The following SLC38A6 variants were observed in gnomAD, a reference collection of about 807,000 sequenced individuals.
SLC38A6 encodes solute carrier family 38 member 6.
Under a neutral mutation model 65.0 loss-of-function variants are expected in SLC38A6, and 73 were observed. The observed-to-expected ratio is 1.12, with a 90% CI of 0.93 to 1.37. The LOEUF (loss-of-function observed/expected upper bound fraction) is 1.37. Among genes scored for constraint, SLC38A6 ranks in the 40% most tolerant of loss-of-function variants. The pLI is 0.00. For missense variants in SLC38A6, 561 were observed against 531.1 expected, an observed-to-expected ratio of 1.06 and a Z score of -0.55; for synonymous variants, 183 against 178.8, an observed-to-expected ratio of 1.02 and a Z score of -0.19.
At chr14:61,012,236 T>A (rs2039633578) in intron 3 of SLC38A6, among the ~76,000 whole-genome samples, 1 of 152,226 alleles carries the variant, frequency 6.6e-6, no homozygotes, top group Non-Finnish European at 1.5e-5. Flanking sequence ...GATATCCCCT[T>A]TATCATTTTT....
At chr14:61,066,536 A>G (rs1277981388) in intron 15 of SLC38A6, among the ~76,000 whole-genome samples, 6 of 152,078 alleles carry the variant, frequency 3.9e-5, no homozygotes, top group Non-Finnish European at 5.9e-5. Flanking sequence ...ACAAAAACAG[A>G]TGGATGAAAA....
chr14:60,984,788 A>G lies in SLC38A6; in HGVS notation c.295A>G (p.Met99Val). Residue 99 changes from methionine to valine, a missense_variant, in exon 3 of 16, where the codon ATG (methionine) becomes GTG (valine). Met to Val is a conservative substitution (Grantham distance 21). Transcript: ENST00000267488. Reference protein sequence around the residue: ...ASYSVHLLLSMCIQTAVTSYE... With the variant: ...ASYSVHLLLSVCIQTAVTSYE... ...TTACTCAGTCCATCTTCTGCTTAGT[A>G]TGTGTATTCAGACAGGTGAGTAAAA... 2 of 1,613,790 alleles carry G rather than the reference A, an allele frequency of 1.2e-6. No individual in the cohort carries two copies. The highest frequency in any genetic ancestry group is 1.7e-6 in the Non-Finnish European group (2 of 1,179,806).
intron 15 of SLC38A6, chr14:61,078,746 TATTTA>T (rs919775177): frequency 2.9e-4 from 48 of 166,148 alleles, no homozygotes; most frequent in African/African-American, 1.2e-3. Flanking sequence ...TTTTTTTAAT[TATTTA>T]ATTTATTTAT....
At chr14:61,077,495 AAC>A (rs1260403977) in intron 15 of SLC38A6, among the ~76,000 whole-genome samples, 1 of 152,220 alleles carries the variant, frequency 6.6e-6, no homozygotes, top group African/African-American at 2.4e-5. Context: ...TTCAGAAAAA[AAC>A]ACAGGACATT....
In SLC38A6 at chr14:61,043,193, A is replaced by G. The variant is rs2041914617; in HGVS notation, c.671A>G (p.Tyr224Cys). Residue 224 changes from tyrosine (Y) to cysteine (C), a missense_variant, in exon 9 of 16, where the codon TAT becomes TGT. Physicochemically the swap from Tyr to Cys is radical, Grantham distance 194 (BLOSUM62 -2). Coordinates refer to ENST00000267488, the MANE Select transcript of SLC38A6 (RefSeq NM_153811.3). Reference protein sequence around the residue: ...WSIPCPLTLNYVEKGFQISNV... With the variant: ...WSIPCPLTLNCVEKGFQISNV... ...ATCCCTTGTCCTCTGACATTAAATT[A>G]TGTAGAGAAAGGTTTCCAGGTAATA... The G allele has an allele frequency of 6.5e-7, 1 of 1,538,594 alleles. No homozygotes were observed. Among genetic ancestry groups the G allele is most frequent in the Non-Finnish European group, 8.9e-7 (1 of 1,126,902 alleles).
chr14:61,029,697 A>G (rs2040831934), intron 5 of SLC38A6, among the ~76,000 whole-genome samples: 1 of 152,196 alleles, frequency 6.6e-6, no homozygotes, highest in Non-Finnish European at 1.5e-5. Context: ...GTAGTTATTT[A>G]TCGGACTCTG....
intron 8 of SLC38A6, among the ~76,000 whole-genome samples, chr14:61,041,716 T>G (rs191620987): frequency 5.9e-4 from 90 of 152,276 alleles, no homozygotes; most frequent in East Asian, 5.6e-3. Flanking sequence ...CTGGGCAACA[T>G]GGCAAAATCT....
At chr14:61,015,582 C>A (rs1275816642) in intron 3 of SLC38A6, among the ~76,000 whole-genome samples, 3 of 152,144 alleles carry the variant, frequency 2.0e-5, no homozygotes. Context: ...AAAACCGTCA[C>A]TACTGAGAAA....
intron 15 of SLC38A6, among the ~76,000 whole-genome samples, chr14:61,063,819 G>A (rs1223864327): frequency 6.6e-6 from 1 of 152,188 alleles, no homozygotes; most frequent in African/African-American, 2.4e-5. Flanking sequence ...ACCTCTATAA[G>A]CCTCCATGTT....
intron 1 of SLC38A6, chr14:60,981,723 C>A (rs1340274583): frequency 1.5e-6 from 2 of 1,309,558 alleles, no homozygotes; most frequent in Admixed American, 2.3e-5. Flanking sequence ...TTTTCTCCAC[C>A]AGTCTCGTGA....
intron 3 of SLC38A6, among the ~76,000 whole-genome samples, chr14:60,993,086 G>C (rs894796399): frequency 2.0e-5 from 3 of 152,148 alleles, no homozygotes; most frequent in African/African-American, 7.2e-5. Context: ...GACTTCAGGT[G>C]ATCTGCCCAC....
downstream of SLC38A6, chr14:61,052,976 C>T (rs1340108564): frequency 6.6e-6 from 1 of 152,392 alleles, no homozygotes; most frequent in African/African-American, 2.4e-5. Context: ...CAGATTATTT[C>T]ATCTCCCAGG....
intron 3 of SLC38A6, among the ~76,000 whole-genome samples, chr14:61,009,384 A>G (rs1350515510): frequency 6.6e-6 from 1 of 151,890 alleles, no homozygotes; most frequent in Admixed American, 6.6e-5. Flanking sequence ...AAAAGGGGAA[A>G]TAACTTTTAT....
At chr14:61,076,683 A>G (rs1274651400) in intron 15 of SLC38A6, among the ~76,000 whole-genome samples, 7 of 152,226 alleles carry the variant, frequency 4.6e-5, no homozygotes, top group Non-Finnish European at 1.0e-4. Flanking sequence ...TGCTTTATTC[A>G]TTTAAAATGT....
chr14:61,057,978 A>T (rs1030926862), intron 15 of SLC38A6, among the ~76,000 whole-genome samples: 2 of 135,914 alleles, frequency 1.5e-5, no homozygotes, highest in Non-Finnish European at 3.2e-5. Context: ...CCCCTTTATC[A>T]TTTTTTATTG....
intron 3 of SLC38A6, among the ~76,000 whole-genome samples, chr14:60,992,351 C>T (rs1456853367): frequency 6.6e-6 from 1 of 152,116 alleles, no homozygotes; most frequent in Non-Finnish European, 1.5e-5. Flanking sequence ...TGAATGGTAC[C>T]ACCAGTTTAT....
chr14:61,076,150 C>T (rs1017800538), intron 15 of SLC38A6, among the ~76,000 whole-genome samples: 3 of 152,152 alleles, frequency 2.0e-5, no homozygotes, highest in Non-Finnish European at 4.4e-5. Context: ...CCACCACACC[C>T]GGCCTTCAAC....
At chr14:61,048,407 T>G (rs2042291621) in intron 12 of SLC38A6, 1 of 261,412 alleles carries the variant, frequency 3.8e-6, no homozygotes, top group African/African-American at 2.2e-5. Flanking sequence ...CCTCCTGACT[T>G]CAATGGCATA....
intron 3 of SLC38A6, among the ~76,000 whole-genome samples, chr14:61,013,497 T>G (rs1476368898): frequency 6.6e-6 from 1 of 152,230 alleles, no homozygotes; most frequent in Non-Finnish European, 1.5e-5. Flanking sequence ...CTTCACAATT[T>G]GGCATGTTTT....
Sources: allele counts gnomAD v4.1 joint callset (sites outside exome capture counted in the v4.1 genomes callset), GRCh38; gene constraint gnomAD v4.1.1; transcripts MANE v1.5; gene names NCBI Gene and HGNC (gene_info 2026-07-23, HGNC 2026-07-21).